Variants in HMGCLL1 observed in about 807,000 individuals in gnomAD.
The protein encoded by HMGCLL1 is 3-hydroxymethyl-3-methylglutaryl-CoA lyase, cytoplasmic.
In HMGCLL1, 36 loss-of-function variants were observed where a neutral mutation model predicts 39.1. That is an observed-to-expected ratio of 0.92 (90% CI 0.71 to 1.22). The LOEUF (loss-of-function observed/expected upper bound fraction) is 1.22, where lower values mean the gene tolerates loss of function less well. Among genes scored for constraint, HMGCLL1 ranks in the 50% most tolerant of loss-of-function variants. The pLI is 0.00. For synonymous variants in HMGCLL1, 149 were observed against 144.0 expected (o/e 1.03, Z -0.25); for missense variants, 451 against 416.5 (o/e 1.08, Z -0.72).
chr6:55,448,226 T>C (rs1223431860), intron 7 of HMGCLL1, among the ~76,000 whole-genome samples: 2 of 151,842 alleles, frequency 1.3e-5, no homozygotes, highest in Non-Finnish European at 2.9e-5. Flanking sequence ...GTTCATAGGT[T>C]AAATGTTGAA....
chr6:55,586,965 C>T, the HMGCLL1 span, among the ~76,000 whole-genome samples: 393 of 152,154 alleles, frequency 2.6e-3, 2 homozygotes, highest in African/African-American at 9.2e-3. Context: ...CCTGAGGAAT[C>T]GCCACACTGA....
At chr6:55,548,337 A>G (rs1448070825) in intron 1 of HMGCLL1, among the ~76,000 whole-genome samples, 2 of 152,040 alleles carry the variant, frequency 1.3e-5, no homozygotes, top group Non-Finnish European at 2.9e-5. Context: ...TTGGAACTCA[A>G]TGGAAAATCA....
At chr6:55,581,894 G>C (rs1771992527), upstream of HMGCLL1, among the ~76,000 whole-genome samples, 2 of 151,912 alleles carry the variant, frequency 1.3e-5, no homozygotes, top group African/African-American at 4.8e-5. Context: ...GTTTTCTCTA[G>C]TGACTTTATT....
the HMGCLL1 span, among the ~76,000 whole-genome samples, chr6:55,598,383 A>G: frequency 6.6e-6 from 1 of 152,212 alleles, no homozygotes; most frequent in South Asian, 2.1e-4. Flanking sequence ...TGCCAACAGT[A>G]GTTGAAACCA....
chr6:55,524,475 A>C (rs1484179070), intron 3 of HMGCLL1, among the ~76,000 whole-genome samples: 3 of 150,970 alleles, frequency 2.0e-5, no homozygotes, highest in African/African-American at 7.3e-5. Context: ...AAAAAAAAAA[A>C]AAAACGGGAT....
At chr6:55,552,592 T>A (rs995569437) in intron 1 of HMGCLL1, among the ~76,000 whole-genome samples, 1 of 152,032 alleles carries the variant, frequency 6.6e-6, no homozygotes, top group African/African-American at 2.4e-5. Context: ...TGTATGTATA[T>A]ATGTGATGAC....
At chr6:55,600,596 G>A in the HMGCLL1 span, among the ~76,000 whole-genome samples, 2 of 152,044 alleles carry the variant, frequency 1.3e-5, no homozygotes, top group African/African-American at 4.8e-5. Flanking sequence ...AGACAACAAT[G>A]TTCTTTTTGT....
chr6:55,615,045 A>C, the HMGCLL1 span, among the ~76,000 whole-genome samples: 2 of 152,132 alleles, frequency 1.3e-5, no homozygotes, highest in Non-Finnish European at 2.9e-5. Context: ...AGAAATAGTA[A>C]TTATAAACTG....
At chr6:55,504,917 G>T (rs555847696) in intron 5 of HMGCLL1, among the ~76,000 whole-genome samples, 7 of 151,636 alleles carry the variant, frequency 4.6e-5, no homozygotes, top group Admixed American at 3.3e-4. Context: ...GCACATATTT[G>T]AGAGATCAGA....
At chr6:55,527,569 C>A (rs1581901003) in intron 3 of HMGCLL1, among the ~76,000 whole-genome samples, 2 of 151,966 alleles carry the variant, frequency 1.3e-5, no homozygotes, top group East Asian at 3.9e-4. Context: ...AGGGGGCCTC[C>A]TTAAGAAAAA....
At chr6:55,535,239 G>A (rs190940566) in intron 3 of HMGCLL1, among the ~76,000 whole-genome samples, 3 of 152,254 alleles carry the variant, frequency 2.0e-5, no homozygotes, top group Admixed American at 6.5e-5. Context: ...AAAACAGAAC[G>A]AGCCTCATAT....
chr6:55,664,018 G>T, the HMGCLL1 span, among the ~76,000 whole-genome samples: 3 of 151,572 alleles, frequency 2.0e-5, no homozygotes, highest in Admixed American at 2.0e-4. Context: ...ATTTCCATTT[G>T]CTTGGTAGAT....
upstream of HMGCLL1, among the ~76,000 whole-genome samples, chr6:55,581,203 T>A (rs907489849): frequency 3.3e-5 from 5 of 150,452 alleles, no homozygotes; most frequent in Admixed American, 1.3e-4. Context: ...GAAAAAAAAA[T>A]TATTGCTTAA....
chr6:55,625,446 A>G, the HMGCLL1 span, among the ~76,000 whole-genome samples: 2 of 152,074 alleles, frequency 1.3e-5, no homozygotes, highest in Non-Finnish European at 2.9e-5. Context: ...GCCTGCACCA[A>G]TGGCCTCATG....
At chr6:55,663,915 A>C in the HMGCLL1 span, among the ~76,000 whole-genome samples, 1 of 151,838 alleles carries the variant, frequency 6.6e-6, no homozygotes, top group South Asian at 2.1e-4. Flanking sequence ...ACCCTTTACC[A>C]TTATGTAATG....
At chr6:55,650,142 C>CATAT in the HMGCLL1 span, among the ~76,000 whole-genome samples, 9 of 63,506 alleles carry the variant, frequency 1.4e-4, 2 homozygotes, top group African/African-American at 5.1e-4. Flanking sequence ...TATACACACA[C>CATAT]ACACACATAT....
chr6:55,665,996 G>A, the HMGCLL1 span, among the ~76,000 whole-genome samples: 1 of 151,632 alleles, frequency 6.6e-6, no homozygotes, highest in Non-Finnish European at 1.5e-5. Flanking sequence ...AACCATATGA[G>A]AAACTATGGT....
At chr6:55,589,139 C>T in the HMGCLL1 span, among the ~76,000 whole-genome samples, 1 of 152,070 alleles carries the variant, frequency 6.6e-6, no homozygotes, top group Admixed American at 6.6e-5. Flanking sequence ...TGATGAACAT[C>T]AATGCAAAAA....
At chr6:55,671,541 C>G in the HMGCLL1 span, among the ~76,000 whole-genome samples, 528 of 151,982 alleles carry the variant, frequency 3.5e-3, 3 homozygotes, top group South Asian at 0.015. Context: ...CTCCTCACTC[C>G]TCTCCTAGTA....
Sources: gnomAD v4.1 joint callset for allele counts (sites outside exome capture counted in the v4.1 genomes callset) on GRCh38, gnomAD v4.1.1 for gene constraint, MANE v1.5 for transcripts, NCBI Gene and HGNC (gene_info 2026-07-23, HGNC 2026-07-21) for gene names.